Variants in PLPPR1 observed in about 807,000 individuals in gnomAD.
PLPPR1 encodes phospholipid phosphatase-related protein type 1.
In PLPPR1, 10 loss-of-function variants were observed where a neutral mutation model predicts 33.1. The observed-to-expected ratio is 0.30, with a 90% CI of 0.19 to 0.51. The LOEUF (loss-of-function observed/expected upper bound fraction) is 0.51, where lower values mean the gene tolerates loss of function less well. PLPPR1 is among the 20% of genes least tolerant of loss of function. The pLI is 0.97. For missense variants in PLPPR1, 304 were observed against 408.1 expected (o/e 0.74, Z 2.20); for synonymous variants, 151 against 151.0 (o/e 1.00, Z 0.00).
intron 2 of PLPPR1, among the ~76,000 whole-genome samples, chr9:101,203,506 C>T (rs907904785): frequency 3.3e-5 from 5 of 152,002 alleles, no homozygotes; most frequent in Non-Finnish European, 7.4e-5. Flanking sequence ...TTTTGCTCAT[C>T]TGTAAAATGT....
intron 1 of PLPPR1, among the ~76,000 whole-genome samples, chr9:101,164,251 C>T (rs1825816021): frequency 6.6e-6 from 1 of 152,082 alleles, no homozygotes; most frequent in Non-Finnish European, 1.5e-5. Context: ...CTTAAACTCT[C>T]TGTAAATGTT....
chr9:101,274,609 G>T (rs1457205488), intron 3 of PLPPR1, among the ~76,000 whole-genome samples: 1 of 152,150 alleles, frequency 6.6e-6, no homozygotes, highest in Non-Finnish European at 1.5e-5. Flanking sequence ...AATGCTCAGG[G>T]AAGTTTCATG....
chr9:101,092,116 C>T lies in PLPPR1; in HGVS notation c.-46+63014C>T, dbSNP rs149222015. Among the ~76,000 whole-genome samples, 561 of 152,286 alleles carry T rather than the reference C, an allele frequency of 3.7e-3. 3 individuals carry two copies. Among genetic ancestry groups the T allele is most frequent in the African/African-American group, 0.013 (541 of 41,562 alleles). ...CAGCACAACATGCTCTCTCTCACCT[C>T]TGGGCCCGTACACCTGTTCCTTCAA... is the stretch of plus-strand genomic sequence containing the variant. On this transcript the variant is annotated intron_variant, in intron 1 of 7. Coordinates refer to ENST00000374874, the MANE Select transcript of PLPPR1 (RefSeq NM_207299.2).
chr9:101,100,330 C>T (rs952065058), intron 1 of PLPPR1, among the ~76,000 whole-genome samples: 1 of 151,984 alleles, frequency 6.6e-6, no homozygotes, highest in Non-Finnish European at 1.5e-5. Flanking sequence ...TTTGCAAAGG[C>T]AGGCTAATGA....
At chr9:101,092,565 C>T (rs1294084316) in intron 1 of PLPPR1, among the ~76,000 whole-genome samples, 1 of 152,162 alleles carries the variant, frequency 6.6e-6, no homozygotes, top group Non-Finnish European at 1.5e-5. Context: ...GTGCCCCATG[C>T]ACACTGGCCT....
intron 1 of PLPPR1, among the ~76,000 whole-genome samples, chr9:101,059,744 A>G (rs1476094360): frequency 6.6e-6 from 1 of 152,098 alleles, no homozygotes; most frequent in Non-Finnish European, 1.5e-5. Context: ...AGCAAAGCAA[A>G]GAGAATTAAA....
chr9:101,039,773 T>C (rs1830053834), intron 1 of PLPPR1, among the ~76,000 whole-genome samples: 1 of 151,956 alleles, frequency 6.6e-6, no homozygotes, highest in Non-Finnish European at 1.5e-5. Flanking sequence ...CTCGTGAGAC[T>C]CATTAACTAT....
At chr9:101,237,995 A>ATG (rs1480831129) in intron 2 of PLPPR1, among the ~76,000 whole-genome samples, 1 of 136,886 alleles carries the variant, frequency 7.3e-6, no homozygotes, top group African/African-American at 2.7e-5. Flanking sequence ...ATATATATAT[A>ATG]TATATATATG....
intron 6 of PLPPR1, among the ~76,000 whole-genome samples, chr9:101,314,970 T>C (rs147093021): frequency 1.2e-3 from 178 of 151,036 alleles, no homozygotes; most frequent in African/African-American, 4.4e-3. Context: ...TTTAAAAACA[T>C]TTTATGGATA....
chr9:101,161,758 C>A (rs1831776432), intron 1 of PLPPR1, among the ~76,000 whole-genome samples: 1 of 152,050 alleles, frequency 6.6e-6, no homozygotes, highest in African/African-American at 2.4e-5. Context: ...AAAAGTATTA[C>A]CTTTTTCAAA....
intron 4 of PLPPR1, among the ~76,000 whole-genome samples, chr9:101,308,127 A>G (rs1475135370): frequency 6.6e-6 from 1 of 152,200 alleles, no homozygotes; most frequent in African/African-American, 2.4e-5. Context: ...AAGGATGATC[A>G]TGTCCCTGGA....
chr9:101,228,898 G>A (rs1160574882), intron 2 of PLPPR1, among the ~76,000 whole-genome samples: 1 of 150,446 alleles, frequency 6.6e-6, no homozygotes, highest in African/African-American at 2.5e-5. Flanking sequence ...CAAAATAAGT[G>A]AGTTGAATGG....
At chr9:101,029,679 C>T (rs933914700) in intron 1 of PLPPR1, among the ~76,000 whole-genome samples, 2 of 152,216 alleles carry the variant, frequency 1.3e-5, no homozygotes, top group Non-Finnish European at 2.9e-5. Context: ...TCGGCTTTCT[C>T]ATCGAGCTCC....
intron 4 of PLPPR1, among the ~76,000 whole-genome samples, chr9:101,295,378 A>T (rs1174381721): frequency 6.6e-6 from 1 of 151,728 alleles, no homozygotes; most frequent in African/African-American, 2.4e-5. Flanking sequence ...CATACTGCCC[A>T]AGGTAATTTA....
At chr9:101,036,736 A>G (rs1266809135) in intron 1 of PLPPR1, among the ~76,000 whole-genome samples, 5 of 151,766 alleles carry the variant, frequency 3.3e-5, no homozygotes, top group Non-Finnish European at 5.9e-5. Flanking sequence ...AGGAAGAAGA[A>G]GAAAGGAAAG....
At chr9:101,143,109 C>A (rs73495992) in intron 1 of PLPPR1, among the ~76,000 whole-genome samples, 2,495 of 152,206 alleles carry the variant, frequency 0.016, 66 homozygotes, top group African/African-American at 0.058. Flanking sequence ...GGCCCCATTA[C>A]ATCCAGTTCC....
At chr9:101,175,019 A>G (rs1167047213) in intron 1 of PLPPR1, among the ~76,000 whole-genome samples, 2 of 152,230 alleles carry the variant, frequency 1.3e-5, no homozygotes, top group African/African-American at 4.8e-5. Flanking sequence ...GGTAGCATCT[A>G]TAGCTCTTCC....
intron 3 of PLPPR1, among the ~76,000 whole-genome samples, chr9:101,274,829 AC>A (rs1253975790): frequency 6.6e-6 from 1 of 152,120 alleles, no homozygotes; most frequent in Non-Finnish European, 1.5e-5. Flanking sequence ...GCCCCCAGTA[AC>A]TGTGTGACCT....
chr9:101,273,089 T>C (rs1828128556), intron 3 of PLPPR1, among the ~76,000 whole-genome samples: 1 of 152,198 alleles, frequency 6.6e-6, no homozygotes, highest in Non-Finnish European at 1.5e-5. Flanking sequence ...TGTTTGTAAT[T>C]TAATATTAGG....
Sources: gnomAD v4.1 joint callset for allele counts (sites outside exome capture counted in the v4.1 genomes callset) on GRCh38, gnomAD v4.1.1 for gene constraint, MANE v1.5 for transcripts, NCBI Gene and HGNC (gene_info 2026-07-23, HGNC 2026-07-21) for gene names.